The following STK39 variants were observed in gnomAD, a reference collection of about 807,000 sequenced individuals.
STK39 encodes the protein serine/threonine kinase 39.
In STK39, 20 loss-of-function variants were observed where a neutral mutation model predicts 77.8. That is an observed-to-expected ratio of 0.26 (90% CI 0.18 to 0.37). The LOEUF (loss-of-function observed/expected upper bound fraction) is 0.37. Among genes scored for constraint, STK39 ranks in the 10% least tolerant of loss-of-function variants. STK39 has a pLI of 1.00. For missense variants in STK39, 479 were observed against 656.5 expected, an observed-to-expected ratio of 0.73 and a Z score of 2.95; for synonymous variants, 246 against 234.1, an observed-to-expected ratio of 1.05 and a Z score of -0.47.
intron 1 of STK39, among the ~76,000 whole-genome samples, chr2:168,245,950 T>C (rs1380984301): frequency 6.6e-6 from 1 of 152,086 alleles, no homozygotes; most frequent in African/African-American, 2.4e-5. Flanking sequence ...TTCTCACATA[T>C]TTTTATGTAT....
chr2:167,961,268 C>T (rs930020392), intron 17 of STK39, among the ~76,000 whole-genome samples: 1 of 152,116 alleles, frequency 6.6e-6, no homozygotes, highest in Non-Finnish European at 1.5e-5. Flanking sequence ...AAAATAAGTC[C>T]GTTTAGTCAC....
chr2:167,979,985 T>A (rs1427999367), intron 16 of STK39, among the ~76,000 whole-genome samples: 5 of 152,184 alleles, frequency 3.3e-5, no homozygotes, highest in African/African-American at 1.2e-4. Flanking sequence ...GAGTCTTACA[T>A]CCAGGAGCAC....
intron 10 of STK39, among the ~76,000 whole-genome samples, chr2:168,079,444 C>T (rs1686168950): frequency 6.6e-6 from 1 of 152,182 alleles, no homozygotes; most frequent in Admixed American, 6.5e-5. Context: ...TGGGATCAGC[C>T]CCAACATGTA....
At chr2:168,103,100 G>A (rs1162567780) in intron 10 of STK39, among the ~76,000 whole-genome samples, 1 of 152,000 alleles carries the variant, frequency 6.6e-6, no homozygotes, top group African/African-American at 2.4e-5. Flanking sequence ...GGTCTACCTT[G>A]AGCAAGTATA....
At chr2:168,071,787 G>A (rs560089220) in intron 12 of STK39, among the ~76,000 whole-genome samples, 10 of 151,306 alleles carry the variant, frequency 6.6e-5, no homozygotes, top group South Asian at 2.1e-4. Flanking sequence ...GGAGAAAGGC[G>A]TGAACCCGGG....
Position 168,247,544 on chromosome 2 carries a change from C to CCCGCCCG in STK39, c.-110_-109insCGGGCGG. The CCCGCCCG allele has an allele frequency of 2.1e-6, 1 of 478,040 alleles. No homozygotes were observed. Among genetic ancestry groups the CCCGCCCG allele is most frequent in the Non-Finnish European group, 2.9e-6 (1 of 348,370 alleles). 29.6% of individuals were successfully genotyped at this position (478,040 alleles called of 1,614,324 possible). On this transcript the variant is annotated 5_prime_UTR_variant, in exon 1 of 18. Transcript: ENST00000355999. ...TCTCGGCCGGCGCACGCCCTCCCCG[C>CCCGCCCG]CCGCCGCCGCCGCCGCCGTCCCCGC...
At chr2:168,166,485 C>T (rs907349355) in intron 3 of STK39, among the ~76,000 whole-genome samples, 5 of 152,272 alleles carry the variant, frequency 3.3e-5, no homozygotes, top group African/African-American at 4.8e-5. Context: ...GACAATAGTG[C>T]CATTTCTGAT....
intron 14 of STK39, among the ~76,000 whole-genome samples, chr2:168,029,696 G>A (rs538222979): frequency 3.4e-4 from 51 of 152,192 alleles, no homozygotes; most frequent in Non-Finnish European, 4.9e-4. Context: ...GCGATTTCAT[G>A]ACTGCTTTCT....
intron 14 of STK39, among the ~76,000 whole-genome samples, chr2:168,052,411 A>G: frequency 6.6e-6 from 1 of 152,214 alleles, no homozygotes; most frequent in East Asian, 1.9e-4. Context: ...GTCTTAACAG[A>G]AAAGTATTTA....
chr2:167,990,450 A>C (rs2105281676), intron 16 of STK39, among the ~76,000 whole-genome samples: 1 of 152,318 alleles, frequency 6.6e-6, no homozygotes, highest in Non-Finnish European at 1.5e-5. Flanking sequence ...TGAACAAGAT[A>C]TTGGCATTAG....
intron 16 of STK39, among the ~76,000 whole-genome samples, chr2:167,969,344 G>C (rs1692258511): frequency 6.6e-6 from 1 of 152,094 alleles, no homozygotes; most frequent in Admixed American, 6.5e-5. Flanking sequence ...ACCTCCTTGA[G>C]CAATGCTGTT....
chr2:168,247,355 GGCCGCCGCC>G lies in STK39; in HGVS notation c.72_80del (p.Ala25_Ala27del), dbSNP rs549892329. The stretch of plus-strand genomic sequence containing the variant: ...CCGGCGCTGCTGTCGCGGCCGCCGG[GGCCGCCGCC>G]GCCGCCGCTGTCACCGGGGCCGCCT... On this transcript the variant is annotated inframe_deletion, in exon 1 of 18. Coordinates refer to ENST00000355999, the MANE Select transcript of STK39 (RefSeq NM_013233.3). The G allele has an allele frequency of 9.7e-6, 10 of 1,028,968 alleles. No homozygotes were observed. The highest frequency in any genetic ancestry group is 1.7e-5 in the African/African-American group (1 of 58,636). 63.7% of individuals were successfully genotyped at this position (1,028,968 alleles called of 1,614,324 possible). A position where few individuals can be genotyped will look rare whatever the true frequency, so the allele number is the denominator to read the frequency against.
At chr2:167,985,208 A>G (rs1311652278) in intron 16 of STK39, among the ~76,000 whole-genome samples, 1 of 152,142 alleles carries the variant, frequency 6.6e-6, no homozygotes, top group South Asian at 2.1e-4. Context: ...CAGGGAATTC[A>G]TTTTTCTTCC....
rs141928266 is a variant in STK39, at chr2:168,013,649, C to G, written c.1430-947G>C. ...GTTTGACAGAAATGTCTTCCAAAGT[C>G]AGGGGGCACCTGAAAGTACAGCTGC... On this transcript the variant is annotated intron_variant, in intron 15 of 17. Coordinates refer to ENST00000355999, the MANE Select transcript of STK39 (RefSeq NM_013233.3). 6.4e-3 allele frequency among the ~76,000 whole-genome samples: 971 copies of G among 152,260 alleles called. 8 individuals carry two copies. Among genetic ancestry groups the G allele is most frequent in the African/African-American group, 0.022 (894 of 41,554 alleles).
intron 16 of STK39, among the ~76,000 whole-genome samples, chr2:167,968,075 A>G (rs1249255781): frequency 6.6e-6 from 1 of 152,158 alleles, no homozygotes; most frequent in East Asian, 1.9e-4. Context: ...TTCACTTAGG[A>G]TAACGGCCTC....
chr2:168,118,557 T>A (rs1687315974), intron 10 of STK39, among the ~76,000 whole-genome samples: 1 of 133,374 alleles, frequency 7.5e-6, no homozygotes. Flanking sequence ...CAGCTCCCAG[T>A]CAAAGGCAAC....
chr2:168,010,101 G>A (rs1684233409), intron 16 of STK39, among the ~76,000 whole-genome samples: 1 of 152,190 alleles, frequency 6.6e-6, no homozygotes, highest in Non-Finnish European at 1.5e-5. Flanking sequence ...CCACCTGCCA[G>A]GATCAACTCC....
At position 168,022,254 on chromosome 2, in the gene STK39, AT is replaced by A. The variant is rs554111502; in HGVS notation, c.1377-5160del. On this transcript the variant is annotated intron_variant, in intron 14 of 17. Coordinates refer to ENST00000355999, the MANE Select transcript of STK39 (RefSeq NM_013233.3). ...TAGGTCATTTTGCATAAATACAAGT[AT>A]AAAAATAAATGTCTAGAGGTGAATT... Among the ~76,000 whole-genome samples the A allele has an allele frequency of 2.8e-3, 433 of 152,366 alleles. 5 individuals carry two copies. The highest frequency in any genetic ancestry group is 0.017 in the South Asian group (81 of 4,830).
chr2:168,109,967 T>C (rs936052415), intron 10 of STK39, among the ~76,000 whole-genome samples: 1 of 152,190 alleles, frequency 6.6e-6, no homozygotes, highest in African/African-American at 2.4e-5. Context: ...CTTAAAAATG[T>C]CTTTTCCCAG....
Sources: allele counts gnomAD v4.1 joint callset (sites outside exome capture counted in the v4.1 genomes callset), GRCh38; gene constraint gnomAD v4.1.1; transcripts MANE v1.5; gene names NCBI Gene and HGNC (gene_info 2026-07-23, HGNC 2026-07-21).